Variants in LSM6 observed in about 807,000 individuals in gnomAD.
The protein encoded by LSM6 is LSM6 homolog, U6 small nuclear RNA and mRNA degradation associated, also known as U6 snRNA-associated Sm-like protein LSm6.
In LSM6, 2 loss-of-function variants were observed where a neutral mutation model predicts 13.5. That is an observed-to-expected ratio of 0.15 (90% CI 0.06 to 0.47). LSM6 has a LOEUF of 0.47. LSM6 is among the 20% of genes least tolerant of loss of function. The pLI is 0.97. For synonymous variants in LSM6, 43 were observed against 34.9 expected (o/e 1.23, Z -0.82); for missense variants, 58 against 96.4 (o/e 0.60, Z 1.67).
chr4:146,178,262 T>A (rs4282199), intron 1 of LSM6, among the ~76,000 whole-genome samples: 47,352 of 152,068 alleles, frequency 0.31, 7,731 homozygotes, highest in Middle Eastern at 0.38. Context: ...CAAGAAGCTT[T>A]AAATTCGCAC....
At chr4:146,184,963 A>G (rs1396678176) in intron 2 of LSM6, among the ~76,000 whole-genome samples, 1 of 152,184 alleles carries the variant, frequency 6.6e-6, no homozygotes, top group Admixed American at 6.5e-5. Flanking sequence ...TTGAAACAGT[A>G]CATTTAGTTT....
intron 1 of LSM6, among the ~76,000 whole-genome samples, chr4:146,179,277 G>T (rs1310354322): frequency 5.3e-5 from 8 of 152,230 alleles, no homozygotes; most frequent in Non-Finnish European, 8.8e-5. Context: ...TATGGTTCAA[G>T]AGACTCATCT....
chr4:146,183,852 A>G (rs950603067), intron 2 of LSM6, among the ~76,000 whole-genome samples: 2 of 145,604 alleles, frequency 1.4e-5, no homozygotes, highest in African/African-American at 5.1e-5. Context: ...TCACCTGAGC[A>G]CTGTACTGGG....
rs1730458538 is a variant in LSM6, at chr4:146,191,007, A to AT, written c.*1357dup. 6.6e-6 allele frequency: 1 copy of AT among 152,194 alleles called. No individual in the cohort carries two copies. The highest frequency in any genetic ancestry group is 1.5e-5 in the Non-Finnish European group (1 of 68,028). The allele number at this position is 152,194 out of a possible 1,614,324, so 9.4% of individuals were successfully genotyped here. On this transcript the variant is annotated 3_prime_UTR_variant, in exon 4 of 4. Transcript: ENST00000296581. ...GATCAGAGAGTAATTGGAAACAATT[A>AT]TTTTTTAATTAATAACTTGGGAAAG...
At chr4:146,184,332 T>C (rs1452756236) in intron 2 of LSM6, among the ~76,000 whole-genome samples, 1 of 152,148 alleles carries the variant, frequency 6.6e-6, no homozygotes, top group Non-Finnish European at 1.5e-5. Context: ...TTAATAGTCA[T>C]AGTAATCTCT....
chr4:146,181,578 A>G (rs1400673420), intron 1 of LSM6, among the ~76,000 whole-genome samples: 1 of 152,238 alleles, frequency 6.6e-6, no homozygotes, highest in Non-Finnish European at 1.5e-5. Flanking sequence ...TGGACTTAGA[A>G]TGAAATAAGC....
At chr4:146,188,708 A>G (rs1275479550) in intron 3 of LSM6, among the ~76,000 whole-genome samples, 1 of 152,146 alleles carries the variant, frequency 6.6e-6, no homozygotes, top group Non-Finnish European at 1.5e-5. Flanking sequence ...CACACATCCT[A>G]CGAGTTCATG....
chr4:146,183,210 C>T (rs909140332), intron 2 of LSM6, 195 bp downstream of exon 2: 86 of 458,604 alleles, frequency 1.9e-4, no homozygotes, highest in African/African-American at 1.5e-3. Context: ...GCATGTGCTT[C>T]TGCCTTTCAG....
Position 146,180,016 on chromosome 4 carries a change from TCTC to T in LSM6, c.-10-2890_-10-2888del, listed in dbSNP as rs1443331590. 9.2e-5 allele frequency among the ~76,000 whole-genome samples: 14 copies of T among 152,320 alleles called. 1 individual carries two copies. The highest frequency in any genetic ancestry group is 1.8e-4 in the Non-Finnish European group (12 of 68,018). On this transcript the variant is annotated intron_variant, in intron 1 of 3. Transcript: ENST00000296581. ...GGCACAGCTCCCTGCCGCAGAGGCG[TCTC>T]CTCCTTGCCTATGTAGATTTTACGT...
At chr4:146,177,585 T>C (rs1435744849) in intron 1 of LSM6, among the ~76,000 whole-genome samples, 1 of 152,202 alleles carries the variant, frequency 6.6e-6, no homozygotes, top group Non-Finnish European at 1.5e-5. Context: ...ACCTTGGAGA[T>C]TTCTTTAAAA....
At chr4:146,185,304 A>C (rs879928915) in intron 2 of LSM6, among the ~76,000 whole-genome samples, 2 of 152,020 alleles carry the variant, frequency 1.3e-5, no homozygotes, top group Non-Finnish European at 2.9e-5. Flanking sequence ...GTAATATCTC[A>C]TTCTACATAT....
intron 2 of LSM6, 89 bp from the exon 3 acceptor site, chr4:146,187,185 T>C: frequency 1.5e-6 from 1 of 656,586 alleles, no homozygotes; most frequent in Non-Finnish European, 2.7e-6. Context: ...AACTAATGAA[T>C]AAAGAGATTG....
intron 3 of LSM6, among the ~76,000 whole-genome samples, chr4:146,189,409 G>A (rs1730420076): frequency 6.6e-6 from 1 of 152,152 alleles, no homozygotes; most frequent in Non-Finnish European, 1.5e-5. Context: ...GAGACACATG[G>A]ATGAAATTAG....
chr4:146,185,508 CAAA>C (rs542139047), intron 2 of LSM6, among the ~76,000 whole-genome samples: 2 of 98,490 alleles, frequency 2.0e-5, no homozygotes, highest in Admixed American at 1.1e-4. Flanking sequence ...AACAACATAC[CAAA>C]AAAAAAAAAA....
At chr4:146,182,759 G>A (rs1381932555) in intron 1 of LSM6, among the ~76,000 whole-genome samples, 153 bp from the exon 2 acceptor site, 1 of 152,244 alleles carries the variant, frequency 6.6e-6, no homozygotes, top group Non-Finnish European at 1.5e-5. Context: ...AAACATGTTA[G>A]CTGTCATGTA....
In LSM6 at chr4:146,189,833, C is replaced by G. The variant is rs1730430809; in HGVS notation, c.*177C>G. The G allele has an allele frequency of 5.6e-6, 3 of 533,300 alleles. No homozygotes were observed. Among genetic ancestry groups the G allele is most frequent in the Non-Finnish European group, 9.9e-6 (3 of 301,974 alleles). The allele number at this position is 533,300 out of a possible 1,614,324, so 33.0% of individuals were successfully genotyped here. ...TGGATTTAATTGTGAAATGTTCTTTCACTTGTAAGTTTCAGTCATTTTCTT... is the reference window on the plus strand; with the variant it reads ...TGGATTTAATTGTGAAATGTTCTTTGACTTGTAAGTTTCAGTCATTTTCTT... On this transcript the variant is annotated 3_prime_UTR_variant, in exon 4 of 4. Coordinates refer to ENST00000296581, the MANE Select transcript of LSM6 (RefSeq NM_007080.3).
In LSM6 at chr4:146,175,735, C is replaced by G. The variant is rs551066115; in HGVS notation, c.-87C>G. 3.9e-5 allele frequency: 6 copies of G among 152,416 alleles called. No homozygotes were observed. Among genetic ancestry groups the G allele is most frequent in the African/African-American group, 1.4e-4 (6 of 41,578 alleles). The allele number at this position is 152,416 out of a possible 1,614,324, so 9.4% of individuals were successfully genotyped here. On this transcript the variant is annotated 5_prime_UTR_variant, in exon 1 of 4. Transcript: ENST00000296581. ...AAAAGTGCCCCTGCCTCGGCGCTTT[C>G]GGTTTTGGCTGGGATCATCCGCGGC...
chr4:146,177,879 G>A (rs1730145368), intron 1 of LSM6, among the ~76,000 whole-genome samples: 1 of 152,144 alleles, frequency 6.6e-6, no homozygotes, highest in South Asian at 2.1e-4. Context: ...TGGGGGTACT[G>A]CCCCTAGATG....
At position 146,191,379 on chromosome 4, in the gene LSM6, T is replaced by C. The variant is rs1208511156; in HGVS notation, c.*1723T>C. 1.3e-5 allele frequency: 2 copies of C among 152,240 alleles called. No individual in the cohort carries two copies. The highest frequency in any genetic ancestry group is 2.9e-5 in the Non-Finnish European group (2 of 68,052). 9.4% of individuals were successfully genotyped at this position (152,240 alleles called of 1,614,324 possible). A position where few individuals can be genotyped will look rare whatever the true frequency, so the allele number is the denominator to read the frequency against. ...TCTAACTTCTTCCCTGACCTCGCCT[T>C]TGATATATAAGTCTTTATTTTCCCC... is the stretch of plus-strand genomic sequence containing the variant. On this transcript the variant is annotated 3_prime_UTR_variant, in exon 4 of 4. Transcript: ENST00000296581.
Sources: gnomAD v4.1 joint callset for allele counts (sites outside exome capture counted in the v4.1 genomes callset) on GRCh38, gnomAD v4.1.1 for gene constraint, MANE v1.5 for transcripts, NCBI Gene and HGNC (gene_info 2026-07-23, HGNC 2026-07-21) for gene names.